Variants in MAGI3 observed in about 807,000 individuals in gnomAD.
The protein encoded by MAGI3 is membrane associated guanylate kinase, WW and PDZ domain containing 3.
MAGI3 carries 43 observed loss-of-function variants against 121.8 expected under a neutral mutation model. The observed-to-expected ratio is 0.35, with a 90% CI of 0.28 to 0.46. The LOEUF (loss-of-function observed/expected upper bound fraction) is 0.46. Ranked by LOEUF, MAGI3 falls within the 20% of genes least tolerant of loss-of-function variation. The pLI is 1.00. For missense variants in MAGI3, 1,547 were observed against 1,797.3 expected (o/e 0.86, Z 2.52); for synonymous variants, 553 against 639.3 (o/e 0.86, Z 2.04).
intron 1 of MAGI3, among the ~76,000 whole-genome samples, chr1:113,428,316 A>G (rs182431070): frequency 6.6e-6 from 1 of 152,218 alleles, no homozygotes; most frequent in Admixed American, 6.5e-5. Context: ...ATTTTTATTT[A>G]TTATGTGAGG....
chr1:113,653,883 T>A lies in MAGI3; in HGVS notation c.2494T>A (p.Ser832Thr), dbSNP rs1653319666. 1 of 1,613,290 alleles carries A rather than the reference T, an allele frequency of 6.2e-7. No individual in the cohort carries two copies. The highest frequency in any genetic ancestry group is 8.5e-7 in the Non-Finnish European group (1 of 1,179,756). ...SQAFISTQNGSPRLNRAEVPA... is the reference protein window; with the variant it reads ...SQAFISTQNGTPRLNRAEVPA... ...GGCCTTCATTTCAACACAGAATGGA[T>A]CTCCCCGCCTGAACCGGGCAGAGGT... The change falls in exon 15 of 21, where the codon TCT (serine) becomes ACT (threonine). Residue 832 changes from serine to threonine, a missense_variant. Transcript: ENST00000307546.
intron 1 of MAGI3, among the ~76,000 whole-genome samples, chr1:113,444,987 A>ATATT (rs1261065052): frequency 6.6e-6 from 1 of 152,246 alleles, no homozygotes; most frequent in East Asian, 1.9e-4. Context: ...ATTTAAAGGC[A>ATATT]TATTTGAGCA....
intron 1 of MAGI3, among the ~76,000 whole-genome samples, chr1:113,522,159 G>A (rs1253299369): frequency 2.0e-5 from 3 of 152,178 alleles, no homozygotes; most frequent in African/African-American, 7.2e-5. Context: ...CCAGGCAAGT[G>A]CAGTGGCACG....
intron 2 of MAGI3, among the ~76,000 whole-genome samples, chr1:113,560,049 C>T (rs1344668237): frequency 6.6e-6 from 1 of 152,184 alleles, no homozygotes; most frequent in South Asian, 2.1e-4. Flanking sequence ...ACAGAACTCT[C>T]CACCCCAAAA....
intron 1 of MAGI3, among the ~76,000 whole-genome samples, chr1:113,436,521 GTAT>G (rs1653573689): frequency 6.6e-6 from 1 of 152,064 alleles, no homozygotes; most frequent in South Asian, 2.1e-4. Context: ...GAGGTTTAAA[GTAT>G]TCAAAAAGCA....
At position 113,391,975 on chromosome 1, in the gene MAGI3, T is replaced by G. The variant is rs1238275289; in HGVS notation, c.316+626T>G. ...GGGAGCTGTTGAATAGAGTCTGGGT[T>G]TTGCAGGAAGACCTAGGTGCCTAGC... On this transcript the variant is annotated intron_variant, in intron 1 of 20. Coordinates refer to ENST00000307546, the MANE Select transcript of MAGI3 (RefSeq NM_001142782.2). The surrounding 1 kb of genome is among the most constrained non-coding windows in gnomAD (Gnocchi z 4.4). Among the ~76,000 whole-genome samples, 2 of 152,250 alleles carry G rather than the reference T, an allele frequency of 1.3e-5. No homozygotes were observed. Among genetic ancestry groups the G allele is most frequent in the Admixed American group, 1.3e-4 (2 of 15,284 alleles).
intron 1 of MAGI3, among the ~76,000 whole-genome samples, chr1:113,393,829 T>C (rs1650952339): frequency 6.6e-6 from 1 of 152,236 alleles, no homozygotes; most frequent in African/African-American, 2.4e-5. Flanking sequence ...TGACAGAAAT[T>C]GATTTTTCAA....
chr1:113,460,577 A>G (rs1053586742), intron 1 of MAGI3, among the ~76,000 whole-genome samples: 2 of 152,180 alleles, frequency 1.3e-5, no homozygotes, highest in African/African-American at 4.8e-5. Context: ...TGGGAGGCCG[A>G]GGTGGGCGGA....
intron 1 of MAGI3, among the ~76,000 whole-genome samples, chr1:113,398,526 C>T (rs2101283744): frequency 6.6e-6 from 1 of 152,164 alleles, no homozygotes; most frequent in African/African-American, 2.4e-5. Context: ...GGTTTTTTTG[C>T]ACATAATTTG....
intron 2 of MAGI3, among the ~76,000 whole-genome samples, chr1:113,557,061 A>G (rs943254914): frequency 1.3e-5 from 2 of 152,236 alleles, no homozygotes; most frequent in African/African-American, 2.4e-5. Flanking sequence ...AGAGAGGGGT[A>G]GGCACCATCT....
At chr1:113,657,803 G>A (rs1366379783) in intron 15 of MAGI3, among the ~76,000 whole-genome samples, 1 of 152,162 alleles carries the variant, frequency 6.6e-6, no homozygotes, top group African/African-American at 2.4e-5. Context: ...AGAATAATAA[G>A]TGCTTGACAT....
At chr1:113,548,407 T>G (rs997732144) in intron 1 of MAGI3, among the ~76,000 whole-genome samples, 1 of 152,234 alleles carries the variant, frequency 6.6e-6, no homozygotes, top group Non-Finnish European at 1.5e-5. Flanking sequence ...TATTTCCCAT[T>G]TTCCCCACAA....
At chr1:113,609,303 T>C (rs911735546) in intron 6 of MAGI3, among the ~76,000 whole-genome samples, 4 of 152,212 alleles carry the variant, frequency 2.6e-5, no homozygotes. Context: ...GGTTAAGATA[T>C]TGTTTACATT....
chr1:113,472,075 G>A (rs768593942), intron 1 of MAGI3, among the ~76,000 whole-genome samples: 3 of 152,060 alleles, frequency 2.0e-5, no homozygotes, highest in Non-Finnish European at 4.4e-5. Flanking sequence ...TTTGTCTGAC[G>A]TAAGAATAGC....
chr1:113,644,097 A>G (rs1306635980), intron 11 of MAGI3, among the ~76,000 whole-genome samples: 2 of 152,168 alleles, frequency 1.3e-5, no homozygotes, highest in Middle Eastern at 3.2e-3. Context: ...TTTCAGAGAA[A>G]CAAGGTAGGA....
chr1:113,476,410 TG>T (rs1655823032), intron 1 of MAGI3, among the ~76,000 whole-genome samples: 1 of 152,252 alleles, frequency 6.6e-6, no homozygotes, highest in African/African-American at 2.4e-5. Flanking sequence ...CCAGAGATTC[TG>T]GTAAGTTGTA....
chr1:113,593,065 T>C (rs557329780), intron 5 of MAGI3, among the ~76,000 whole-genome samples: 7 of 152,202 alleles, frequency 4.6e-5, no homozygotes, highest in African/African-American at 1.7e-4. Context: ...CCAGCTAGTA[T>C]TATACCTGGC....
chr1:113,513,825 A>G (rs548698799), intron 1 of MAGI3, among the ~76,000 whole-genome samples: 2 of 152,204 alleles, frequency 1.3e-5, no homozygotes, highest in Admixed American at 6.5e-5. Context: ...AGAAACTACC[A>G]TCAGAGTGAA....
intron 1 of MAGI3, among the ~76,000 whole-genome samples, chr1:113,482,928 C>T (rs1370756417): frequency 6.6e-6 from 1 of 152,036 alleles, no homozygotes; most frequent in East Asian, 1.9e-4. Flanking sequence ...ACCTCAGCCT[C>T]CTGAGTAGCT....
Sources: gnomAD v4.1 joint callset for allele counts (sites outside exome capture counted in the v4.1 genomes callset) on GRCh38, gnomAD v4.1.1 for gene constraint, Gnocchi (gnomAD v3.1) non-coding constraint, MANE v1.5 for transcripts, NCBI Gene and HGNC (gene_info 2026-07-23, HGNC 2026-07-21) for gene names.